The following PPP2R3B variants were observed in gnomAD, a reference collection of about 807,000 sequenced individuals.
PPP2R3B encodes serine/threonine-protein phosphatase 2A regulatory subunit B'' subunit beta.
Under a neutral mutation model 72.9 loss-of-function variants are expected in PPP2R3B, and 68 were observed. The observed-to-expected ratio is 0.93, with a 90% CI of 0.77 to 1.14. The LOEUF (loss-of-function observed/expected upper bound fraction) is 1.14. PPP2R3B is among the 50% of genes most tolerant of loss of function. The probability of loss-of-function intolerance (pLI) is 0.00; values close to 1 mark genes in which losing one functional copy is unlikely to be tolerated. For missense variants in PPP2R3B, 1,018 were observed against 842.0 expected, an observed-to-expected ratio of 1.21 and a Z score of -2.59; for synonymous variants, 466 against 375.8, an observed-to-expected ratio of 1.24 and a Z score of -2.78.
Position 346,735 on chromosome X carries a change from T to G in PPP2R3B, c.758A>C (p.Glu253Ala), listed in dbSNP as rs373692381. ...NTHPGLSFLK[E>A]ASEFHSRYIT... Reference sequence around the variant, plus strand: ...GTAGCGCGAGTGGAACTCGGACGCCTCCTTCAGGAACGACAGCCCCGGGTG... The same window carrying G: ...GTAGCGCGAGTGGAACTCGGACGCCGCCTTCAGGAACGACAGCCCCGGGTG... Residue 253 changes from glutamate (E) to alanine (A), a missense_variant, in exon 5 of 13, where the codon GAG becomes GCG. Transcript: ENST00000390665. 1.2e-6 allele frequency: 2 copies of G among 1,610,454 alleles called. No individual in the cohort carries two copies. Among genetic ancestry groups the G allele is most frequent in the Non-Finnish European group, 1.7e-6 (2 of 1,178,736 alleles).
At chrX:363,644 TCATCTCCCTGTGCCCACCATCCCACAATG>T (rs2071608835) in intron 1 of PPP2R3B, among the ~76,000 whole-genome samples, 1 of 4,524 alleles carries the variant, frequency 2.2e-4, no homozygotes, top group Non-Finnish European at 4.9e-4. Flanking sequence ...CATCCCACAG[TCATCTCCCTGTGCCCACCATCCCACAATG>T]CATCTCCCCA....
Position 334,412 on chromosome X carries a change from G to C in PPP2R3B, c.1683C>G (p.Asp561Glu), listed in dbSNP as rs763617861. ...FEAPSPLGAV[D>E]LYEYACGDED... is the part of the protein sequence containing the mutation. ...CGTCCCCGCATGCGTACTCGTACAG[G>C]TCCACGGCGCCCAGCGGTGAGGGCG... The change falls in exon 13 of 13, where the codon GAC becomes GAG. Residue 561 changes from aspartate to glutamate, a missense_variant. Physicochemically the swap from Asp to Glu is conservative, Grantham distance 45 (BLOSUM62 2). Transcript: ENST00000390665. 4.2e-5 allele frequency: 67 copies of C among 1,591,062 alleles called. No individual in the cohort carries two copies. The African/African-American group carries it at 5.4e-4, about 13-fold the overall frequency.
chrX:369,595 T>A (rs184698086), intron 1 of PPP2R3B, among the ~76,000 whole-genome samples: 5 of 152,286 alleles, frequency 3.3e-5, no homozygotes, highest in Admixed American at 3.3e-4. Flanking sequence ...TGCAGGTGAG[T>A]GTACCCCGAG....
At chrX:344,759 G>C (rs1210731937) in intron 7 of PPP2R3B, 2 of 255,824 alleles carry the variant, frequency 7.8e-6, no homozygotes, top group Non-Finnish European at 1.5e-5. Context: ...CGTCTGCTCA[G>C]GTGCGCGTCC....
At chrX:341,954 G>T in intron 7 of PPP2R3B, 23 bp from the exon 8 acceptor site, 3 of 1,612,492 alleles carry the variant, frequency 1.9e-6, no homozygotes, top group Non-Finnish European at 1.7e-6. Context: ...GCGGTTGATG[G>T]GCAGCCCGCA....
chrX:363,254 C>CGCGATCCCACA (rs2071582033), intron 1 of PPP2R3B, among the ~76,000 whole-genome samples: 1 of 142,712 alleles, frequency 7.0e-6, no homozygotes, highest in East Asian at 2.0e-4. Flanking sequence ...TCCCCGAGCC[C>CGCGATCCCACA]ATGATCCCGC....
Position 334,510 on chromosome X carries a change from C to A in PPP2R3B, c.1585G>T (p.Ala529Ser). 6.5e-7 allele frequency: 1 copy of A among 1,545,620 alleles called. No individual in the cohort carries two copies. The highest frequency in any genetic ancestry group is 8.7e-7 in the Non-Finnish European group (1 of 1,153,224). ...TTCTGCTCCACAGGGCTGAGCTCGG[C>A]CTCGAACCTGCAACGAGGGGATGGC... ...AGEPWEDGFE[A>S]ELSPVEQKLS... is the part of the protein sequence containing the mutation. The change falls in exon 13 of 13, where the codon GCC becomes TCC. Residue 529 changes from alanine (A) to serine (S), a missense_variant. Ala to Ser is a moderately conservative substitution (Grantham distance 99, BLOSUM62 1). Coordinates refer to ENST00000390665, the MANE Select transcript of PPP2R3B (RefSeq NM_013239.5).
chrX:358,347 G>A lies in PPP2R3B; in HGVS notation c.510+3058C>T, dbSNP rs1383571654. 2.1e-5 allele frequency among the ~76,000 whole-genome samples: 3 copies of A among 139,646 alleles called. No individual in the cohort carries two copies. The Admixed American group carries it at 2.2e-4, about 10-fold the overall frequency. 91.6% of individuals were successfully genotyped at this position (139,646 alleles called of 152,430 possible). A position where few individuals can be genotyped will look rare whatever the true frequency, so the allele number is the denominator to read the frequency against. On this transcript the variant is annotated intron_variant, in intron 2 of 12. Transcript: ENST00000390665. ...CGCCACAGCGCAGGTGGATTAAGTC[G>A]CGACAGCGCACACCCTGCTGGCCTC...
chrX:339,080 C>T (rs2070980051), intron 10 of PPP2R3B, among the ~76,000 whole-genome samples, 184 bp from the exon 11 acceptor site: 1 of 152,034 alleles, frequency 6.6e-6, no homozygotes, highest in Admixed American at 6.5e-5. Flanking sequence ...GGGACTGAGG[C>T]GTGGGAGGCC....
At chrX:349,907 C>T (rs1023341164) in intron 2 of PPP2R3B, among the ~76,000 whole-genome samples, 5 of 152,158 alleles carry the variant, frequency 3.3e-5, no homozygotes, top group African/African-American at 4.8e-5. Flanking sequence ...TTCCTCCAGA[C>T]GACTCTGTTG....
intron 9 of PPP2R3B, 30 bp downstream of exon 9, chrX:341,277 G>C (rs1345687376): frequency 1.2e-6 from 2 of 1,607,304 alleles, no homozygotes; most frequent in Admixed American, 1.7e-5. Flanking sequence ...CCCTCCACTG[G>C]GACAAACGCA....
At chrX:341,701 C>T in intron 8 of PPP2R3B, 182 bp downstream of exon 8, 1 of 741,136 alleles carries the variant, frequency 1.3e-6, no homozygotes, top group South Asian at 1.6e-5. Flanking sequence ...GCGTGACAGT[C>T]TTGTGCCACC....
rs1422948104 is a variant in PPP2R3B, at chrX:347,636, G to A, written c.568C>T (p.Arg190Cys). ...GPLFYGAGGE[R>C]TGSVSVHKFV... is the part of the protein sequence containing the mutation. ...TTGTGGACGGACACGGAGCCCGTGCGCTCCCCGCCGGCGCCATAGAAGAGC... is the reference window on the plus strand; with the variant it reads ...TTGTGGACGGACACGGAGCCCGTGCACTCCCCGCCGGCGCCATAGAAGAGC... The change falls in exon 3 of 13, where the codon CGC becomes TGC. Residue 190 changes from arginine (R) to cysteine (C), a missense_variant. Arg to Cys is a radical substitution (Grantham distance 180). Coordinates refer to ENST00000390665, the MANE Select transcript of PPP2R3B (RefSeq NM_013239.5). 5.7e-6 allele frequency: 9 copies of A among 1,573,330 alleles called. No homozygotes were observed. Among genetic ancestry groups the A allele is most frequent in the South Asian group, 4.6e-5 (4 of 86,884 alleles).
intron 10 of PPP2R3B, 50 bp from the exon 11 acceptor site, chrX:338,946 G>A (rs200010988): frequency 1.1e-4 from 170 of 1,514,554 alleles, no homozygotes; most frequent in Admixed American, 5.2e-4. Flanking sequence ...TCTCACCTTC[G>A]GGGCCTGGGT....
intron 1 of PPP2R3B, among the ~76,000 whole-genome samples, chrX:363,850 A>C (rs1010466569): frequency 2.0e-5 from 3 of 152,232 alleles, no homozygotes; most frequent in Non-Finnish European, 4.4e-5. Context: ...TGACCCCGCG[A>C]ATATTCTGCA....
intron 2 of PPP2R3B, among the ~76,000 whole-genome samples, chrX:354,411 C>T (rs1236298955): frequency 6.6e-6 from 1 of 152,268 alleles, no homozygotes; most frequent in Non-Finnish European, 1.5e-5. Flanking sequence ...CACCCAAGGA[C>T]CGGGGCTGCC....
At chrX:351,141 G>A (rs1161033310) in intron 2 of PPP2R3B, among the ~76,000 whole-genome samples, 2 of 152,108 alleles carry the variant, frequency 1.3e-5, no homozygotes, top group African/African-American at 4.8e-5. Context: ...GGCTGGAGGG[G>A]CCGGGCCCCG....
intron 7 of PPP2R3B, chrX:345,069 T>C: frequency 4.8e-6 from 2 of 418,858 alleles, no homozygotes; most frequent in Admixed American, 2.8e-5. Flanking sequence ...CGGCACCGGC[T>C]CCCGCGGAGG....
rs1237488846 is a variant in PPP2R3B, at chrX:346,240, G to A, written c.813C>T (p.Tyr271=). 1.3e-6 allele frequency: 2 copies of A among 1,571,486 alleles called. No homozygotes were observed. Among genetic ancestry groups the A allele is most frequent in the Admixed American group, 1.8e-5 (1 of 54,844 alleles). Residue 271 remains tyrosine (Y), a synonymous_variant, in exon 6 of 13, where the codon TAC becomes TAT. Transcript: ENST00000390665. ...TGCCGGACCAGGACCGGTTCACGGC[G>A]TAGAAGATCCGCTGGATGACCTGCG... The part of the protein sequence containing the change: ...YITTVIQRIF[Y]AVNRSWSGRI...
Sources: gnomAD v4.1 joint callset for allele counts (sites outside exome capture counted in the v4.1 genomes callset) on GRCh38, gnomAD v4.1.1 for gene constraint, MANE v1.5 for transcripts, NCBI Gene and HGNC (gene_info 2026-07-23, HGNC 2026-07-21) for gene names.